The following STRN variants were observed in gnomAD, a reference collection of about 807,000 sequenced individuals.
STRN encodes protein phosphatase 2 regulatory subunit B'''alpha.
STRN carries 53 observed loss-of-function variants against 96.3 expected under a neutral mutation model. That is an observed-to-expected ratio of 0.55 (90% confidence interval 0.44 to 0.69). The LOEUF is 0.69. Among genes scored for constraint, STRN ranks in the 30% least tolerant of loss-of-function variants. The probability of loss-of-function intolerance (pLI) is 0.00; values close to 1 mark genes in which losing one functional copy is unlikely to be tolerated. For synonymous variants in STRN, 428 were observed against 355.9 expected (o/e 1.20, Z -2.28); for missense variants, 987 against 963.9 (o/e 1.02, Z -0.32).
At chr2:36,851,631 T>C (rs1668225211) in intron 15 of STRN, among the ~76,000 whole-genome samples, 2 of 152,358 alleles carry the variant, frequency 1.3e-5, no homozygotes, top group Admixed American at 1.3e-4. Flanking sequence ...TAAATTACAA[T>C]TTCCTGCTAT....
At chr2:36,854,730 A>G (rs578137511) in intron 15 of STRN, among the ~76,000 whole-genome samples, 1 of 152,186 alleles carries the variant, frequency 6.6e-6, no homozygotes, top group Non-Finnish European at 1.5e-5. Context: ...AGAGTCTGTA[A>G]TATCTTCTTC....
intron 14 of STRN, 112 bp from the exon 15 acceptor site, chr2:36,855,464 T>TA: frequency 9.4e-7 from 1 of 1,062,498 alleles, no homozygotes; most frequent in Non-Finnish European, 1.3e-6. Flanking sequence ...TAAACAAGGC[T>TA]TACCATTAGA....
intron 1 of STRN, among the ~76,000 whole-genome samples, chr2:36,958,802 G>A (rs571132189): frequency 2.0e-5 from 3 of 152,258 alleles, no homozygotes; most frequent in East Asian, 1.9e-4. Context: ...AATTCAAGGA[G>A]TCTAATGAAG....
rs1291298559 is a variant in STRN at position 36,845,606 on chromosome 2, C to G, written c.*3850G>C. The G allele has an allele frequency of 7.9e-5, 12 of 151,948 alleles. No individual in the cohort carries two copies. The highest frequency in any genetic ancestry group is 1.8e-4 in the Non-Finnish European group (12 of 67,988). 9.4% of individuals were successfully genotyped at this position (151,948 alleles called of 1,614,324 possible). ...AATATATGAAGTATTAAAAAGTGAG[C>G]CTTTAAAAAATTACATTTACTTAGC... On this transcript the variant is annotated 3_prime_UTR_variant, in exon 18 of 18. Transcript: ENST00000263918.
At chr2:36,905,503 C>T (rs763316467) in intron 4 of STRN, 37 bp downstream of exon 4, 1 of 1,574,006 alleles carries the variant, frequency 6.4e-7, no homozygotes, top group Non-Finnish European at 8.7e-7. Flanking sequence ...TGTTTCTTGT[C>T]TTCAGCCATT....
chr2:36,860,118 G>A (rs77803549), intron 13 of STRN, among the ~76,000 whole-genome samples: 1 of 152,184 alleles, frequency 6.6e-6, no homozygotes, highest in Non-Finnish European at 1.5e-5. Context: ...TGAGGGGATG[G>A]AAAGGGAGCA....
intron 1 of STRN, among the ~76,000 whole-genome samples, chr2:36,939,829 A>G (rs1670802017): frequency 6.6e-6 from 1 of 152,248 alleles, no homozygotes; most frequent in African/African-American, 2.4e-5. Context: ...TGTAACAACT[A>G]AAAGTATATT....
At chr2:36,887,423 T>C (rs1669269376) in intron 7 of STRN, among the ~76,000 whole-genome samples, 1 of 151,910 alleles carries the variant, frequency 6.6e-6, no homozygotes, top group South Asian at 2.1e-4. Flanking sequence ...TGAGCCGAGA[T>C]TGTGCCATTG....
chr2:36,940,750 T>C (rs1572690300), intron 1 of STRN, among the ~76,000 whole-genome samples: 1 of 143,508 alleles, frequency 7.0e-6, no homozygotes, highest in East Asian at 2.0e-4. Context: ...GGCAGGAGAA[T>C]GGTGTGAACC....
chr2:36,932,806 T>A (rs765162089), intron 1 of STRN, among the ~76,000 whole-genome samples: 1 of 152,184 alleles, frequency 6.6e-6, no homozygotes, highest in African/African-American at 2.4e-5. Context: ...ATTACAAACA[T>A]AGATTTTCGT....
Position 36,916,057 on chromosome 2 carries a change from C to G in STRN, c.412+21G>C, listed in dbSNP as rs372377880. ...CATTAACTTCTTTTTAACACTTAAA[C>G]TTCCATTAAAATTAGCTTACCAGAA... is the stretch of plus-strand genomic sequence containing the variant. On this transcript the variant is annotated intron_variant, in intron 3 of 17. Coordinates refer to ENST00000263918, the MANE Select transcript of STRN (RefSeq NM_003162.4). The G allele has an allele frequency of 4.1e-5, 65 of 1,597,102 alleles. No individual in the cohort carries two copies. In the Middle Eastern group the frequency reaches 2.5e-3, roughly 61 times the overall value.
chr2:36,893,827 G>C (rs1387489823), intron 7 of STRN, 71 bp downstream of exon 7: 1 of 1,495,438 alleles, frequency 6.7e-7, no homozygotes. Context: ...TTAAGATGTT[G>C]CCCTCCTGGT....
intron 12 of STRN, among the ~76,000 whole-genome samples, chr2:36,864,682 GA>G (rs1318129781): frequency 6.6e-6 from 1 of 152,080 alleles, no homozygotes; most frequent in African/African-American, 2.4e-5. Context: ...ATGAGTTAGG[GA>G]AAAGTCCCTC....
intron 2 of STRN, among the ~76,000 whole-genome samples, chr2:36,920,349 C>T (rs1367044599): frequency 6.6e-6 from 1 of 152,026 alleles, no homozygotes; most frequent in Non-Finnish European, 1.5e-5. Context: ...TCAAAAGAAA[C>T]AAAACCAGGC....
intron 12 of STRN, chr2:36,867,314 C>T (rs1187174673): frequency 1.3e-5 from 2 of 152,052 alleles, no homozygotes; most frequent in Non-Finnish European, 2.9e-5. Context: ...AGTGTAAAAC[C>T]TTGTCTCCAC....
chr2:36,858,696 T>C (rs1212560707), intron 13 of STRN, among the ~76,000 whole-genome samples: 1 of 152,234 alleles, frequency 6.6e-6, no homozygotes, highest in East Asian at 1.9e-4. Context: ...TCAAGATGAC[T>C]CACAAATGTT....
At chr2:36,864,666 C>T (rs939023699) in intron 12 of STRN, among the ~76,000 whole-genome samples, 1 of 152,148 alleles carries the variant, frequency 6.6e-6, no homozygotes, top group Admixed American at 6.6e-5. Context: ...ATGCTGGCCT[C>T]ATAGAATGAG....
intron 1 of STRN, among the ~76,000 whole-genome samples, chr2:36,932,030 G>A (rs1670587947): frequency 6.6e-6 from 1 of 152,126 alleles, no homozygotes; most frequent in Admixed American, 6.5e-5. Flanking sequence ...TATGTTGCCA[G>A]GCTGGTCTCG....
chr2:36,886,697 T>C lies in STRN; in HGVS notation c.1042+19A>G, dbSNP rs199922130. The C allele has an allele frequency of 6.3e-7, 1 of 1,582,542 alleles. No homozygotes were observed. The highest frequency in any genetic ancestry group is 8.6e-7 in the Non-Finnish European group (1 of 1,160,102). ...AGAGGCAAGATTTATGATTTACAGA[T>C]ACAATGTTTTCCACTTACTCTTCAC... is the stretch of plus-strand genomic sequence containing the variant. On this transcript the variant is annotated intron_variant, in intron 8 of 17. Coordinates refer to ENST00000263918, the MANE Select transcript of STRN (RefSeq NM_003162.4).
Sources: gnomAD v4.1 joint callset for allele counts (sites outside exome capture counted in the v4.1 genomes callset) on GRCh38, gnomAD v4.1.1 for gene constraint, MANE v1.5 for transcripts, NCBI Gene and HGNC (gene_info 2026-07-23, HGNC 2026-07-21) for gene names.